Variants in RAB3C observed in about 807,000 individuals in gnomAD.
RAB3C encodes the protein RAB3C, member RAS oncogene family.
RAB3C carries 17 observed loss-of-function variants against 26.4 expected under a neutral mutation model. The ratio of observed to expected loss-of-function variants is 0.64; its 90% CI spans 0.44 to 0.97. The LOEUF (loss-of-function observed/expected upper bound fraction) is 0.97. Ranked by LOEUF, RAB3C falls within the 50% of genes least tolerant of loss-of-function variation. RAB3C has a pLI of 0.00. For missense variants in RAB3C, 242 were observed against 281.9 expected (o/e 0.86, Z 1.01); for synonymous variants, 91 against 95.9 (o/e 0.95, Z 0.30).
At chr5:58,693,991 G>C (rs1748635214) in intron 2 of RAB3C, among the ~76,000 whole-genome samples, 1 of 152,028 alleles carries the variant, frequency 6.6e-6, no homozygotes, top group Admixed American at 6.6e-5. Flanking sequence ...ATGCAGGTTT[G>C]ATACGTAGGT....
chr5:58,796,505 C>T (rs911561541), intron 3 of RAB3C, among the ~76,000 whole-genome samples: 2 of 152,096 alleles, frequency 1.3e-5, no homozygotes, highest in Non-Finnish European at 2.9e-5. Flanking sequence ...CAGGATGTAA[C>T]AGGGTCCTGG....
chr5:58,696,526 A>T (rs931243299), intron 2 of RAB3C, among the ~76,000 whole-genome samples: 1 of 152,212 alleles, frequency 6.6e-6, no homozygotes, highest in African/African-American at 2.4e-5. Flanking sequence ...CTCTGGTAGA[A>T]TTCAGCTGTG....
chr5:58,756,781 T>G (rs540189032), intron 3 of RAB3C, among the ~76,000 whole-genome samples: 6 of 150,368 alleles, frequency 4.0e-5, no homozygotes, highest in Admixed American at 2.7e-4. Context: ...TCTCATTCCT[T>G]TTTATGGCTG....
At chr5:58,739,945 T>G (rs1360128873) in intron 3 of RAB3C, among the ~76,000 whole-genome samples, 2 of 152,230 alleles carry the variant, frequency 1.3e-5, no homozygotes, top group Admixed American at 1.3e-4. Flanking sequence ...AGGAAAGAGA[T>G]GTAACAAGGC....
At chr5:58,695,245 G>A (rs1302723948) in intron 2 of RAB3C, among the ~76,000 whole-genome samples, 1 of 152,242 alleles carries the variant, frequency 6.6e-6, no homozygotes, top group East Asian at 1.9e-4. Context: ...GATGTGTGGT[G>A]TTATTTCTGA....
intron 2 of RAB3C, among the ~76,000 whole-genome samples, chr5:58,698,820 T>C (rs1748775940): frequency 2.0e-5 from 3 of 152,170 alleles, no homozygotes; most frequent in Non-Finnish European, 2.9e-5. Flanking sequence ...TAGTTAGCCA[T>C]TCGCCTAATC....
In RAB3C at chr5:58,774,922, T is replaced by A. The variant is rs1742095096; in HGVS notation, c.371+48802T>A. ...AGGGGACCAGATCTTGAGGGCCTTG[T>A]GAAGCATCGTGACTAAGGACTTTGG... On this transcript the variant is annotated intron_variant, in intron 3 of 4. Coordinates refer to ENST00000282878, the MANE Select transcript of RAB3C (RefSeq NM_138453.4). 2.0e-5 allele frequency among the ~76,000 whole-genome samples: 3 copies of A among 152,068 alleles called. No individual in the cohort carries two copies. The South Asian group carries it at 6.2e-4, about 32-fold the overall frequency.
intron 3 of RAB3C, among the ~76,000 whole-genome samples, chr5:58,752,867 C>A (rs1460809843): frequency 6.6e-6 from 1 of 151,854 alleles, no homozygotes; most frequent in African/African-American, 2.4e-5. Context: ...GAAATTCACT[C>A]CCAATCTCAA....
chr5:58,660,372 G>T (rs529707548), intron 2 of RAB3C, among the ~76,000 whole-genome samples: 2 of 150,128 alleles, frequency 1.3e-5, no homozygotes, highest in South Asian at 4.1e-4. Context: ...ATCATGAGAA[G>T]TATAATATTT....
chr5:58,617,971 A>G lies in RAB3C; in HGVS notation c.252+101A>G, dbSNP rs1009440341. On this transcript the variant is annotated intron_variant, in intron 2 of 4. Coordinates refer to ENST00000282878, the MANE Select transcript of RAB3C (RefSeq NM_138453.4). ...GCCTTGTTCTATCCCCAGGGCATCC[A>G]CAAGCCTCAATTTCCAGCTTCTTTG... 8.6e-6 allele frequency: 6 copies of G among 700,972 alleles called. No individual in the cohort carries two copies. In the African/African-American group the frequency reaches 9.0e-5, roughly 11 times the overall value. 43.4% of individuals were successfully genotyped at this position (700,972 alleles called of 1,614,324 possible).
At chr5:58,657,370 T>C (rs1412542102) in intron 2 of RAB3C, among the ~76,000 whole-genome samples, 2 of 150,198 alleles carry the variant, frequency 1.3e-5, no homozygotes, top group Admixed American at 6.7e-5. Flanking sequence ...ATACCACCTA[T>C]ACTCCAATAA....
chr5:58,726,144 T>C lies in RAB3C; in HGVS notation c.371+24T>C, dbSNP rs780777068. On this transcript the variant is annotated intron_variant, in intron 3 of 4. Coordinates refer to ENST00000282878, the MANE Select transcript of RAB3C (RefSeq NM_138453.4). ...TGGTAAGTCAGAGCAAATACTCTTA[T>C]TACTGATAATGATGGTTCTCCGGTC... 4 of 1,175,996 alleles carry C rather than the reference T, an allele frequency of 3.4e-6. No individual in the cohort carries two copies. The Admixed American group carries it at 7.8e-5, about 23-fold the overall frequency. The allele number at this position is 1,175,996 out of a possible 1,614,324, so 72.8% of individuals were successfully genotyped here.
chr5:58,818,299 A>G (rs1743261136), intron 3 of RAB3C, among the ~76,000 whole-genome samples: 1 of 152,206 alleles, frequency 6.6e-6, no homozygotes, highest in Admixed American at 6.5e-5. Context: ...GACTTAAATT[A>G]TTTTATTCTG....
intron 2 of RAB3C, among the ~76,000 whole-genome samples, chr5:58,669,479 G>A (rs982335221): frequency 2.6e-5 from 4 of 151,998 alleles, no homozygotes; most frequent in African/African-American, 4.8e-5. Context: ...AACAACCTCC[G>A]TCAGCCTCAA....
At chr5:58,624,124 G>T (rs759049829) in intron 2 of RAB3C, among the ~76,000 whole-genome samples, 4 of 152,018 alleles carry the variant, frequency 2.6e-5, no homozygotes, top group Non-Finnish European at 5.9e-5. Context: ...ATACTTGTTG[G>T]TGCCTACTGT....
chr5:58,615,305 T>C (rs1746800677), intron 1 of RAB3C, among the ~76,000 whole-genome samples: 1 of 152,150 alleles, frequency 6.6e-6, no homozygotes, highest in Non-Finnish European at 1.5e-5. Context: ...GTCTCTTTTC[T>C]GGCTGTGGCT....
chr5:58,775,812 C>T lies in RAB3C; in HGVS notation c.372-49226C>T, dbSNP rs75951216. Among the ~76,000 whole-genome samples the T allele has an allele frequency of 6.4e-3, 975 of 152,164 alleles. 73 individuals carry two copies. The East Asian group carries it at 0.17, about 27-fold the overall frequency. ...TTGCTAAGTGCAGTGGTGAAGCCTC[C>T]GGGCTTCGGTCTGGTGCTCTGTAAA... On this transcript the variant is annotated intron_variant, in intron 3 of 4. Transcript: ENST00000282878.
intron 3 of RAB3C, among the ~76,000 whole-genome samples, chr5:58,761,059 T>TCACA (rs777146349): frequency 6.0e-4 from 41 of 68,580 alleles, no homozygotes; most frequent in African/African-American, 1.6e-3. Context: ...CCTCTCTCTC[T>TCACA]CTCTCACACA....
chr5:58,827,850 T>C (rs1057222079), intron 4 of RAB3C, among the ~76,000 whole-genome samples: 3 of 152,238 alleles, frequency 2.0e-5, no homozygotes, highest in African/African-American at 7.2e-5. Flanking sequence ...TCTCACAATT[T>C]AAATTTAAAG....
Sources: allele counts gnomAD v4.1 joint callset (sites outside exome capture counted in the v4.1 genomes callset), GRCh38; gene constraint gnomAD v4.1.1; transcripts MANE v1.5; gene names NCBI Gene and HGNC (gene_info 2026-07-23, HGNC 2026-07-21).